The following MYH8 variants were observed in gnomAD, a reference collection of about 807,000 sequenced individuals.
The protein encoded by MYH8 is myosin heavy chain 8, also known as myosin-8.
A neutral mutation model predicts 233.2 loss-of-function variants in MYH8; 168 were observed. The observed-to-expected ratio is 0.72, with a 90% confidence interval of 0.64 to 0.82. The LOEUF (loss-of-function observed/expected upper bound fraction) is 0.82. Among genes scored for constraint, MYH8 ranks in the 40% least tolerant of loss-of-function variants. The probability of loss-of-function intolerance (pLI) is 0.00; values close to 1 mark genes in which losing one functional copy is unlikely to be tolerated. For missense variants in MYH8, 1,995 were observed against 2,327.8 expected, an observed-to-expected ratio of 0.86 and a Z score of 2.94; for synonymous variants, 785 against 850.6, an observed-to-expected ratio of 0.92 and a Z score of 1.34.
At chr17:10,395,066 G>A in intron 34 of MYH8, 67 bp downstream of exon 34, 4 of 1,566,116 alleles carry the variant, frequency 2.6e-6, no homozygotes, top group Non-Finnish European at 3.5e-6. Context: ...GTTTAACAAG[G>A]TGTTTGGGAA....
At chr17:10,397,022 A>T (rs748126205) in intron 30 of MYH8, 36 bp from the exon 31 acceptor site, 4 of 1,610,354 alleles carry the variant, frequency 2.5e-6, no homozygotes, top group Non-Finnish European at 3.4e-6. Flanking sequence ...AGAATGGCCA[A>T]GACCAGAAGC....
rs1228734361 is a variant in MYH8 at position 10,406,779 on chromosome 17, G to A, written c.2082C>T (p.His694=). 6.2e-7 allele frequency: 1 copy of A among 1,614,070 alleles called. No individual in the cohort carries two copies. The change falls in exon 19 of 40, where the codon CAC becomes CAT. Residue 694 remains histidine, a synonymous_variant. Coordinates refer to ENST00000403437, the MANE Select transcript of MYH8 (RefSeq NM_002472.3). The stretch of plus-strand genomic sequence containing the variant: ...CCAGCACACCATTACACCTCAGCTG[G>A]TGCAACACAAGTTCATGTTCCATTG... ...PGAMEHELVL[H]QLRCNGVLEG...
chr17:10,403,828 T>C (rs907871283), intron 22 of MYH8, among the ~76,000 whole-genome samples: 23 of 152,174 alleles, frequency 1.5e-4, no homozygotes, highest in African/African-American at 5.3e-4. Flanking sequence ...TAGAGATTTG[T>C]ATCAGAGGAA....
At chr17:10,413,108 C>A (rs1195321701) in intron 12 of MYH8, among the ~76,000 whole-genome samples, 2 of 152,096 alleles carry the variant, frequency 1.3e-5, no homozygotes, top group African/African-American at 2.4e-5. Flanking sequence ...TATTTTGATT[C>A]TTATCTTAGT....
Position 10,400,135 on chromosome 17 carries a change from G to A in MYH8, c.3735+255C>T, listed in dbSNP as rs536354107. ...GGAGAGTGGCGTGAACCCGGGAGGC[G>A]GAGCTTGCAGTGAGCCGAGATTGCG... On this transcript the variant is annotated intron_variant, in intron 27 of 39. Coordinates refer to ENST00000403437, the MANE Select transcript of MYH8 (RefSeq NM_002472.3). This position sits in a 1 kb window ranked among gnomAD's most constrained non-coding sequence, Gnocchi z 4.0. Among the ~76,000 whole-genome samples, 27 of 152,186 alleles carry A rather than the reference G, an allele frequency of 1.8e-4. No homozygotes were observed. The highest frequency in any genetic ancestry group is 6.0e-4 in the African/African-American group (25 of 41,534).
At chr17:10,410,345 C>T (rs1047886924) in intron 15 of MYH8, among the ~76,000 whole-genome samples, 1 of 152,084 alleles carries the variant, frequency 6.6e-6, no homozygotes, top group Non-Finnish European at 1.5e-5. Context: ...TATGAAGTAG[C>T]GTATGCAGTT....
At chr17:10,395,781 A>G (rs1344067250) in intron 33 of MYH8, among the ~76,000 whole-genome samples, 2 of 152,122 alleles carry the variant, frequency 1.3e-5, no homozygotes, top group South Asian at 2.1e-4. Context: ...CCTAGAAACT[A>G]TCAGTTTTAA....
Position 10,404,553 on chromosome 17 carries a change from C to T in MYH8, c.2465G>A (p.Arg822His), listed in dbSNP as rs776002223. The T allele has an allele frequency of 1.2e-5, 19 of 1,613,700 alleles. No individual in the cohort carries two copies. The highest frequency in any genetic ancestry group is 2.2e-5 in the South Asian group (2 of 91,066). ...EALFCIQYNV[R>H]AFMNVKHWPW... ...CCAGTGCTTGACGTTCATGAAGGCA[C>T]GGACATTATACTGGATGCAGAAAAG... The change falls in exon 22 of 40, where the codon CGT becomes CAT. Residue 822 changes from arginine to histidine, a missense_variant. Arg to His is a conservative substitution (Grantham distance 29). This residue lies in a region of MYH8 where 1,498 missense variants were observed against 1,680.9 expected (regional missense o/e 0.89). Coordinates refer to ENST00000403437, the MANE Select transcript of MYH8 (RefSeq NM_002472.3).
Position 10,400,238 on chromosome 17 carries a change from A to G in MYH8, c.3735+152T>C. On this transcript the variant is annotated intron_variant, in intron 27 of 39. Coordinates refer to ENST00000403437, the MANE Select transcript of MYH8 (RefSeq NM_002472.3). This position sits in a 1 kb window ranked among gnomAD's most constrained non-coding sequence, Gnocchi z 4.0. ...AAAAAAATCATCTTAATCGATCATAACCAGCATTTTAAAAAATACCATAGA... is the reference window on the plus strand; with the variant it reads ...AAAAAAATCATCTTAATCGATCATAGCCAGCATTTTAAAAAATACCATAGA... 2.7e-6 allele frequency: 3 copies of G among 1,130,258 alleles called. No homozygotes were observed. The highest frequency in any genetic ancestry group is 3.9e-6 in the Non-Finnish European group (3 of 764,410). The allele number at this position is 1,130,258 out of a possible 1,614,324, so 70.0% of individuals were successfully genotyped here. A position where few individuals can be genotyped will look rare whatever the true frequency, so the allele number is the denominator to read the frequency against.
At chr17:10,420,433 T>C (rs1428869917) in intron 2 of MYH8, among the ~76,000 whole-genome samples, 176 bp from the exon 3 acceptor site, 5 of 152,250 alleles carry the variant, frequency 3.3e-5, no homozygotes, top group Non-Finnish European at 7.3e-5. Flanking sequence ...AGACTGTAAT[T>C]TGAGATTTCA....
Position 10,413,847 on chromosome 17 carries a change from AT to A in MYH8, c.1147+54del, listed in dbSNP as rs569420870. The stretch of plus-strand genomic sequence containing the variant: ...AAAGGAGATGTGAGTGTAAAATAGG[AT>A]TTTTTTTTTTGCTACATTCTCTCAT... On this transcript the variant is annotated intron_variant, in intron 12 of 39. Transcript: ENST00000403437. 10,572 of 1,062,568 alleles carry A rather than the reference AT, an allele frequency of 9.9e-3. 4 individuals are homozygous for A. Among genetic ancestry groups the A allele is most frequent in the East Asian group, 0.011 (308 of 28,494 alleles). 65.8% of individuals were successfully genotyped at this position (1,062,568 alleles called of 1,614,324 possible).
At chr17:10,411,877 T>C (rs1400925496) in intron 14 of MYH8, among the ~76,000 whole-genome samples, 2 of 152,220 alleles carry the variant, frequency 1.3e-5, no homozygotes, top group African/African-American at 4.8e-5. Context: ...GGTGAACTGA[T>C]GCCCTGGAGG....
chr17:10,405,393 A>G (rs551287298), intron 21 of MYH8, among the ~76,000 whole-genome samples: 2 of 152,340 alleles, frequency 1.3e-5, no homozygotes, highest in African/African-American at 4.8e-5. Flanking sequence ...TGGAAATTCT[A>G]TCTCTATAGG....
At position 10,404,351 on chromosome 17, in the gene MYH8, G is replaced by T; in HGVS notation, c.2667C>A (p.Asp889Glu). The change falls in exon 22 of 40, where the codon GAC (aspartate) becomes GAA (glutamate). Residue 889 changes from aspartate to glutamate, a missense_variant. Asp to Glu is a conservative substitution (Grantham distance 45). Coordinates refer to ENST00000403437, the MANE Select transcript of MYH8 (RefSeq NM_002472.3). ...TCACAGATTGAACCTGGAGTTGCAG[G>T]TCATTTTTCTCTTTTAAGAGAGTGA... ...KMVTLLKEKNDLQLQVQSEAD... is the reference protein window; with the variant it reads ...KMVTLLKEKNELQLQVQSEAD... The T allele has an allele frequency of 6.2e-7, 1 of 1,613,870 alleles. No individual in the cohort carries two copies. The highest frequency in any genetic ancestry group is 8.5e-7 in the Non-Finnish European group (1 of 1,179,848).
chr17:10,413,831 G>T, intron 12 of MYH8, 71 bp downstream of exon 12: 1 of 1,609,160 alleles, frequency 6.2e-7, no homozygotes, highest in South Asian at 1.1e-5. Flanking sequence ...CAAAGGAGAT[G>T]TGAGTGTAAA....
Position 10,418,736 on chromosome 17 carries a change from C to T in MYH8, c.420G>A (p.Glu140=), listed in dbSNP as rs1297789726. The part of the protein sequence containing the change: ...PYKWLPVYKP[E]VVAAYRGKKR... The stretch of plus-strand genomic sequence containing the variant: ...TTTTGCCTCTGTAGGCAGCCACCAC[C>T]TCGGGCTTGTACACCGGCAGCCACT... The change falls in exon 5 of 40, where the codon GAG becomes GAA. Residue 140 remains glutamate (E), a synonymous_variant. Coordinates refer to ENST00000403437, the MANE Select transcript of MYH8 (RefSeq NM_002472.3). 1.2e-6 allele frequency: 2 copies of T among 1,613,964 alleles called. No individual in the cohort carries two copies.
chr17:10,413,676 T>C (rs985539148), intron 12 of MYH8, among the ~76,000 whole-genome samples: 4 of 152,144 alleles, frequency 2.6e-5, no homozygotes, highest in Non-Finnish European at 5.9e-5. Flanking sequence ...TTTGTGCTTA[T>C]AAGTGGCTAT....
chr17:10,400,456 C>A lies in MYH8; in HGVS notation c.3669G>T (p.Glu1223Asp). The change falls in exon 27 of 40, where the codon GAG becomes GAT. Residue 1223 changes from glutamate (E) to aspartate (D), a missense_variant. Transcript: ENST00000403437. The surrounding 1 kb of genome is among the most constrained non-coding windows in gnomAD (Gnocchi z 4.0). ...LQRVKQKLEK[E>D]KSELKMETDD... ...CAGTCTCCATCTTCAGCTCACTCTTCTCCTTCTCCAGCTTCTGTTTGACCC... is the reference window on the plus strand; with the variant it reads ...CAGTCTCCATCTTCAGCTCACTCTTATCCTTCTCCAGCTTCTGTTTGACCC... 1 of 1,614,016 alleles carries A rather than the reference C, an allele frequency of 6.2e-7. No homozygotes were observed.
rs759476464 is a variant in MYH8, at chr17:10,414,280, G to A, written c.920C>T (p.Thr307Ile). 2 of 1,614,148 alleles carry A rather than the reference G, an allele frequency of 1.2e-6. No homozygotes were observed. The highest frequency in any genetic ancestry group is 8.5e-7 in the Non-Finnish European group (1 of 1,180,000). ...GAAGGCATAGTCATATGGGTTGGTG[G>A]TGATCAGGAGCATTTCTGGGTCACA... ...KPDLIEMLLI[T>I]TNPYDYAFVS... The change falls in exon 11 of 40, where the codon ACC (threonine) becomes ATC (isoleucine). Residue 307 changes from threonine (T) to isoleucine (I), a missense_variant. Thr to Ile is a moderately conservative substitution (Grantham distance 89). Around this residue, in one of 3 missense-constraint regions of MYH8, gnomAD observed 479 missense variants for 600.9 expected, o/e 0.80. Transcript: ENST00000403437.
Sources: allele counts gnomAD v4.1 joint callset (sites outside exome capture counted in the v4.1 genomes callset), GRCh38; gene constraint gnomAD v4.1.1; regional missense constraint gnomAD v4.1.1; non-coding constraint Gnocchi (gnomAD v3.1); transcripts MANE v1.5; gene names NCBI Gene and HGNC (gene_info 2026-07-23, HGNC 2026-07-21).